Variants in LIPG observed in about 807,000 individuals in gnomAD.
The protein encoded by LIPG is lipase G, endothelial type, also known as endothelial lipase.
LIPG carries 34 observed loss-of-function variants against 51.8 expected under a neutral mutation model. That is an observed-to-expected ratio of 0.66 (90% CI 0.50 to 0.87). The LOEUF (loss-of-function observed/expected upper bound fraction) is 0.87, where lower values mean the gene tolerates loss of function less well. LIPG is among the 40% of genes least tolerant of loss of function. LIPG has a pLI of 0.00. For missense variants in LIPG, 580 were observed against 652.7 expected (o/e 0.89, Z 1.21); for synonymous variants, 246 against 246.1 (o/e 1.00, Z 0.00).
At position 49,567,576 on chromosome 18, in the gene LIPG, C is replaced by G; in HGVS notation, c.414C>G (p.Thr138=). The change falls in exon 3 of 10, where the codon ACC becomes ACG. Residue 138 remains threonine, a synonymous_variant. Transcript: ENST00000261292. Reference sequence around the variant, plus strand: ...TTTACACGGATGCGGTCAATAATACCAGGGTGGTGGGACACAGCATTGCCA... The same window carrying G: ...TTTACACGGATGCGGTCAATAATACGAGGGTGGTGGGACACAGCATTGCCA... The part of the protein sequence containing the change: ...HQLYTDAVNN[T]RVVGHSIARM... 6.2e-7 allele frequency: 1 copy of G among 1,614,090 alleles called. No individual in the cohort carries two copies. The highest frequency in any genetic ancestry group is 1.3e-5 in the African/African-American group (1 of 75,002).
At position 49,565,309 on chromosome 18, in the gene LIPG, C is replaced by T; in HGVS notation, c.98-8C>T. The T allele has an allele frequency of 1.9e-6, 3 of 1,613,758 alleles. No individual in the cohort carries two copies. Among genetic ancestry groups the T allele is most frequent in the Non-Finnish European group, 2.5e-6 (3 of 1,179,994 alleles). On this transcript the variant is annotated splice_region_variant and splice_polypyrimidine_tract_variant and intron_variant, in intron 1 of 9. Transcript: ENST00000261292. Reference sequence around the variant, plus strand: ...TAGATGCACCCACGCTCTGTTCTGTCTCCCCAGATAAGCTCCACAAACCCA... The same window carrying T: ...TAGATGCACCCACGCTCTGTTCTGTTTCCCCAGATAAGCTCCACAAACCCA...
intron 5 of LIPG, among the ~76,000 whole-genome samples, chr18:49,577,239 C>T (rs1348061178): frequency 1.6e-4 from 22 of 134,518 alleles, no homozygotes; most frequent in Admixed American, 2.9e-4. Flanking sequence ...ATGCTGCCTT[C>T]AAGCATCTGT....
chr18:49,596,553 T>C lies in LIPG; in HGVS notation c.*6031T>C. On this transcript the variant is annotated 3_prime_UTR_variant, in exon 10 of 10. Transcript: ENST00000261292. ...GGGAGGCTGAGGTAGGAAAATCACTTGAACCCAGAAGGCAGAAGTTGCAGT... is the reference window on the plus strand; with the variant it reads ...GGGAGGCTGAGGTAGGAAAATCACTCGAACCCAGAAGGCAGAAGTTGCAGT... 1 of 143,618 alleles carries C rather than the reference T, an allele frequency of 7.0e-6. No homozygotes were observed. The highest frequency in any genetic ancestry group is 1.5e-5 in the Non-Finnish European group (1 of 67,234). The allele number at this position is 143,618 out of a possible 1,614,324, so 8.9% of individuals were successfully genotyped here. A position where few individuals can be genotyped will look rare whatever the true frequency, so the allele number is the denominator to read the frequency against.
chr18:49,567,813 T>C, intron 3 of LIPG, 192 bp downstream of exon 3: 2 of 592,476 alleles, frequency 3.4e-6, no homozygotes, highest in Non-Finnish European at 5.8e-6. Flanking sequence ...GCCTTTTAAT[T>C]ATTGATAGAT....
At position 49,565,310 on chromosome 18, in the gene LIPG, T is replaced by A. The variant is rs2084591167; in HGVS notation, c.98-7T>A. On this transcript the variant is annotated splice_region_variant and splice_polypyrimidine_tract_variant and intron_variant, in intron 1 of 9. Coordinates refer to ENST00000261292, the MANE Select transcript of LIPG (RefSeq NM_006033.4). ...AGATGCACCCACGCTCTGTTCTGTCTCCCCAGATAAGCTCCACAAACCCAA... is the reference window on the plus strand; with the variant it reads ...AGATGCACCCACGCTCTGTTCTGTCACCCCAGATAAGCTCCACAAACCCAA... 6.2e-7 allele frequency: 1 copy of A among 1,613,714 alleles called. No individual in the cohort carries two copies. Among genetic ancestry groups the A allele is most frequent in the African/African-American group, 1.3e-5 (1 of 75,010 alleles).
rs1359520699 is a variant in LIPG at position 49,594,767 on chromosome 18, A to G, written c.*4245A>G. ...AGTGATGGTGGAAACTCCACTGTCC[A>G]TCTCTACCAGGACATTCTGAAACCA... On this transcript the variant is annotated 3_prime_UTR_variant, in exon 10 of 10. Transcript: ENST00000261292. The G allele has an allele frequency of 6.6e-6, 1 of 152,258 alleles. No homozygotes were observed. The highest frequency in any genetic ancestry group is 6.5e-5 in the Admixed American group (1 of 15,284). 9.4% of individuals were successfully genotyped at this position (152,258 alleles called of 1,614,324 possible). A position where few individuals can be genotyped will look rare whatever the true frequency, so the allele number is the denominator to read the frequency against.
chr18:49,569,426 A>C lies in LIPG; in HGVS notation c.460-11A>C. Reference sequence around the variant, plus strand: ...GCTCTTCTGCTCACATACTTTGGTGACTTTCTATAGGAGAAGGACGATTTT... The same window carrying C: ...GCTCTTCTGCTCACATACTTTGGTGCCTTTCTATAGGAGAAGGACGATTTT... On this transcript the variant is annotated splice_polypyrimidine_tract_variant and intron_variant, in intron 3 of 9. Transcript: ENST00000261292. 6.2e-7 allele frequency: 1 copy of C among 1,612,640 alleles called. No individual in the cohort carries two copies. The highest frequency in any genetic ancestry group is 8.5e-7 in the Non-Finnish European group (1 of 1,178,694).
Position 49,586,779 on chromosome 18 carries a change from C to A in LIPG, c.1410C>A (p.Thr470=). Residue 470 remains threonine, a synonymous_variant, in exon 9 of 10, where the codon ACC becomes ACA. Transcript: ENST00000261292. ...LTFCTEDPEN[T]SISPGRELWF... is the part of the protein sequence containing the mutation. ...TTTGTACAGAAGACCCTGAGAACACCAGCATATCCCCAGGCCGGGAGCTCT... is the reference window on the plus strand; with the variant it reads ...TTTGTACAGAAGACCCTGAGAACACAAGCATATCCCCAGGCCGGGAGCTCT... 6.2e-7 allele frequency: 1 copy of A among 1,614,088 alleles called. No homozygotes were observed. The highest frequency in any genetic ancestry group is 1.1e-5 in the South Asian group (1 of 91,076).
At chr18:49,578,052 G>A (rs2084746796) in intron 5 of LIPG, among the ~76,000 whole-genome samples, 1 of 145,890 alleles carries the variant, frequency 6.9e-6, no homozygotes, top group Non-Finnish European at 1.5e-5. Flanking sequence ...CGGATGGCAC[G>A]GCTGGCCGGG....
Position 49,591,039 on chromosome 18 carries a change from C to A in LIPG, c.*517C>A. On this transcript the variant is annotated 3_prime_UTR_variant, in exon 10 of 10. Coordinates refer to ENST00000261292, the MANE Select transcript of LIPG (RefSeq NM_006033.4). ...GTTCTCATGGGTTGCACTGACCATA[C>A]TGCTTACGTCTTAGCCATTCCGTCC... is the stretch of plus-strand genomic sequence containing the variant. 12 of 210,530 alleles carry A rather than the reference C, an allele frequency of 5.7e-5. No homozygotes were observed. The highest frequency in any genetic ancestry group is 2.2e-4 in the East Asian group (2 of 9,102). 13.0% of individuals were successfully genotyped at this position (210,530 alleles called of 1,614,324 possible). A position where few individuals can be genotyped will look rare whatever the true frequency, so the allele number is the denominator to read the frequency against.
rs2143967404 is a variant in LIPG, at chr18:49,581,654, A to G, written c.1033A>G (p.Arg345Gly). 2 of 1,613,334 alleles carry G rather than the reference A, an allele frequency of 1.2e-6. No homozygotes were observed. Among genetic ancestry groups the G allele is most frequent in the African/African-American group, 1.3e-5 (1 of 75,070 alleles). ...AAAAACCCGGGCAGGCATGCCTTTC[A>G]GAGGTAACCTTCAGTCCCTGGAGTG... is the stretch of plus-strand genomic sequence containing the variant. The part of the protein sequence containing the change: ...YLKTRAGMPF[R>G]VYHYQMKIHV... Residue 345 changes from arginine to glycine, a missense_variant, in exon 6 of 10, where the codon AGA (arginine) becomes GGA (glycine). Physicochemically the swap from Arg to Gly is moderately radical, Grantham distance 125. Coordinates refer to ENST00000261292, the MANE Select transcript of LIPG (RefSeq NM_006033.4).
At chr18:49,581,961 A>ATG (rs1283985626) in intron 6 of LIPG, 2 of 589,990 alleles carry the variant, frequency 3.4e-6, no homozygotes, top group Non-Finnish European at 6.0e-6. Flanking sequence ...TCATCACAAG[A>ATG]AACCTGAGGC....
chr18:49,578,100 C>T (rs2084748108), intron 5 of LIPG, among the ~76,000 whole-genome samples: 3 of 114,014 alleles, frequency 2.6e-5, no homozygotes, highest in East Asian at 2.4e-4. Flanking sequence ...CCGGATGGGG[C>T]GGCTGGCCGG....
chr18:49,577,929 G>A (rs1600555934), intron 5 of LIPG, among the ~76,000 whole-genome samples: 1 of 108,104 alleles, frequency 9.3e-6, no homozygotes, highest in African/African-American at 4.2e-5. Flanking sequence ...GCGGGCAGAG[G>A]CGCCCCTCAC....
At position 49,581,483 on chromosome 18, in the gene LIPG, C is replaced by G. The variant is rs1458715874; in HGVS notation, c.862C>G (p.Gln288Glu). ...VHLFVDSLVN[Q>E]DKPSFAFQCT... ...CCTCTTTGTTGACTCTCTGGTGAAT[C>G]AGGACAAGCCGAGTTTTGCCTTCCA... is the stretch of plus-strand genomic sequence containing the variant. The change falls in exon 6 of 10, where the codon CAG (glutamine) becomes GAG (glutamate). Residue 288 changes from glutamine to glutamate, a missense_variant. Transcript: ENST00000261292. 6.2e-7 allele frequency: 1 copy of G among 1,614,200 alleles called. No individual in the cohort carries two copies. The highest frequency in any genetic ancestry group is 8.5e-7 in the Non-Finnish European group (1 of 1,180,042).
intron 8 of LIPG, 32 bp downstream of exon 8, chr18:49,583,806 T>C: frequency 6.4e-7 from 1 of 1,573,030 alleles, no homozygotes; most frequent in Non-Finnish European, 8.7e-7. Flanking sequence ...TTCTGCCTGG[T>C]GTAGGTGGGG....
chr18:49,577,636 C>T (rs1241005509), intron 5 of LIPG, among the ~76,000 whole-genome samples: 18 of 143,990 alleles, frequency 1.3e-4, no homozygotes, highest in Admixed American at 6.1e-4. Flanking sequence ...GGCGGCTGGC[C>T]GGGCAGGGGG....
chr18:49,567,197 C>T (rs1010459935), intron 2 of LIPG, among the ~76,000 whole-genome samples: 1 of 151,894 alleles, frequency 6.6e-6, no homozygotes, highest in South Asian at 2.1e-4. Context: ...ATTACCCAGG[C>T]ATGGTGGCAT....
At chr18:49,579,802 T>TCCTTTCCTTTCCTTTC (rs1568533598) in intron 5 of LIPG, among the ~76,000 whole-genome samples, 1 of 104,820 alleles carries the variant, frequency 9.5e-6, no homozygotes, top group African/African-American at 3.5e-5. Flanking sequence ...TCTTTTCTTT[T>TCCTTTCCTTTCCTTTC]CTTTTCTTTT....
Sources: allele counts gnomAD v4.1 joint callset (sites outside exome capture counted in the v4.1 genomes callset), GRCh38; gene constraint gnomAD v4.1.1; transcripts MANE v1.5; gene names NCBI Gene and HGNC (gene_info 2026-07-23, HGNC 2026-07-21).